Variants in ZC2HC1A observed in about 807,000 individuals in gnomAD.
ZC2HC1A encodes zinc finger C2HC-type containing 1A, also known as zinc finger C2HC domain-containing protein 1A.
In ZC2HC1A, 28 loss-of-function variants were observed where a neutral mutation model predicts 40.7. The ratio of observed to expected loss-of-function variants is 0.69; its 90% CI spans 0.51 to 0.94. The LOEUF (loss-of-function observed/expected upper bound fraction) is 0.94, where lower values mean the gene tolerates loss of function less well. ZC2HC1A is among the 40% of genes least tolerant of loss of function. ZC2HC1A has a pLI of 0.00. For synonymous variants in ZC2HC1A, 129 were observed against 129.2 expected (o/e 1.00, Z 0.01); for missense variants, 389 against 386.3 (o/e 1.01, Z -0.06).
At chr8:78,698,366 G>A in intron 6 of ZC2HC1A, 48 bp from the exon 7 acceptor site, 1 of 1,467,578 alleles carries the variant, frequency 6.8e-7, no homozygotes, top group Non-Finnish European at 9.4e-7. Flanking sequence ...TCTGTTTTAT[G>A]TAACCTTTTT....
chr8:78,702,948 G>A (rs1810654062), intron 7 of ZC2HC1A, among the ~76,000 whole-genome samples: 1 of 151,962 alleles, frequency 6.6e-6, no homozygotes, highest in Non-Finnish European at 1.5e-5. Context: ...CCAGGCTATA[G>A]TGCTGTGGCA....
At chr8:78,713,891 G>A (rs2130610739) in intron 7 of ZC2HC1A, among the ~76,000 whole-genome samples, 2 of 152,190 alleles carry the variant, frequency 1.3e-5, no homozygotes. Context: ...ATTAAATAAG[G>A]CATGTGTAGT....
Position 78,717,913 on chromosome 8 carries a change from T to G in ZC2HC1A, c.*420T>G, listed in dbSNP as rs1041418475. 1 of 155,422 alleles carries G rather than the reference T, an allele frequency of 6.4e-6. No homozygotes were observed. The highest frequency in any genetic ancestry group is 1.4e-5 in the Non-Finnish European group (1 of 69,984). 9.6% of individuals were successfully genotyped at this position (155,422 alleles called of 1,614,324 possible). The stretch of plus-strand genomic sequence containing the variant: ...AACATTTGTATTATTGGTGCCTATC[T>G]TCAGATAGTATCATAGTAGGATAGA... On this transcript the variant is annotated 3_prime_UTR_variant, in exon 9 of 9. Coordinates refer to ENST00000263849, the MANE Select transcript of ZC2HC1A (RefSeq NM_016010.3).
intron 5 of ZC2HC1A, among the ~76,000 whole-genome samples, chr8:78,692,888 C>A (rs567539260): frequency 6.0e-4 from 92 of 152,250 alleles, no homozygotes; most frequent in Non-Finnish European, 9.6e-4. Flanking sequence ...CCACTCCCCC[C>A]ACCCCACAAC....
intron 7 of ZC2HC1A, chr8:78,712,040 G>A (rs1810965629): frequency 7.8e-7 from 1 of 1,289,560 alleles, no homozygotes; most frequent in Non-Finnish European, 1.0e-6. Context: ...CTTGTGCAAA[G>A]GTTGTATGAC....
intron 3 of ZC2HC1A, among the ~76,000 whole-genome samples, chr8:78,682,208 C>G (rs1809809996): frequency 6.6e-6 from 1 of 152,086 alleles, no homozygotes; most frequent in Non-Finnish European, 1.5e-5. Flanking sequence ...AGAGGCAGTT[C>G]CCATTAAAAT....
At chr8:78,680,574 G>A (rs1281029670) in intron 3 of ZC2HC1A, among the ~76,000 whole-genome samples, 1 of 152,110 alleles carries the variant, frequency 6.6e-6, no homozygotes, top group Non-Finnish European at 1.5e-5. Flanking sequence ...CCTGTATCAA[G>A]AAAATCCTAC....
chr8:78,703,786 G>A (rs1810683277), intron 7 of ZC2HC1A, among the ~76,000 whole-genome samples: 1 of 152,104 alleles, frequency 6.6e-6, no homozygotes, highest in Non-Finnish European at 1.5e-5. Context: ...TTACATTTAA[G>A]ACTAGTATTG....
intron 1 of ZC2HC1A, among the ~76,000 whole-genome samples, chr8:78,668,208 T>C (rs971735972): frequency 6.6e-6 from 1 of 152,158 alleles, no homozygotes; most frequent in African/African-American, 2.4e-5. Context: ...AATATCAAAC[T>C]CTGAGTCTTA....
At chr8:78,689,034 C>CTTTTTTTTT (rs5892662) in intron 4 of ZC2HC1A, among the ~76,000 whole-genome samples, 188 bp from the exon 5 acceptor site, 1 of 146,168 alleles carries the variant, frequency 6.8e-6, no homozygotes. Context: ...TACCAGCAGA[C>CTTTTTTTTT]TTTTTTTTTT....
intron 7 of ZC2HC1A, among the ~76,000 whole-genome samples, chr8:78,709,815 A>G (rs1810899433): frequency 6.6e-6 from 1 of 152,136 alleles, no homozygotes; most frequent in Non-Finnish European, 1.5e-5. Flanking sequence ...GTGGCCTGTG[A>G]GCTGCTGGTT....
intron 7 of ZC2HC1A, among the ~76,000 whole-genome samples, chr8:78,708,758 G>A (rs1038644166): frequency 3.4e-5 from 5 of 148,766 alleles, no homozygotes; most frequent in African/African-American, 1.0e-4. Flanking sequence ...TTGGCTCACC[G>A]TAACCTCCGC....
intron 1 of ZC2HC1A, among the ~76,000 whole-genome samples, chr8:78,668,027 G>T (rs1394614880): frequency 6.6e-6 from 1 of 151,688 alleles, no homozygotes; most frequent in East Asian, 1.9e-4. Flanking sequence ...AAACTGAGTT[G>T]AAATATGTGA....
At chr8:78,713,810 C>T (rs573723996) in intron 7 of ZC2HC1A, among the ~76,000 whole-genome samples, 5 of 152,274 alleles carry the variant, frequency 3.3e-5, no homozygotes, top group African/African-American at 1.2e-4. Context: ...AGTAGCCTCA[C>T]AATTTATATA....
chr8:78,684,190 CT>C, intron 3 of ZC2HC1A, among the ~76,000 whole-genome samples: 1 of 152,306 alleles, frequency 6.6e-6, no homozygotes, highest in South Asian at 2.1e-4. Flanking sequence ...TACCAACTTA[CT>C]GTATTAGTCC....
chr8:78,667,760 C>T (rs758855629), intron 1 of ZC2HC1A, among the ~76,000 whole-genome samples: 5 of 152,096 alleles, frequency 3.3e-5, no homozygotes, highest in Non-Finnish European at 7.4e-5. Flanking sequence ...GTGGACCTTA[C>T]ATTTTAACAG....
intron 3 of ZC2HC1A, 73 bp downstream of exon 3, chr8:78,678,752 C>A (rs1462193159): frequency 2.0e-6 from 2 of 1,009,510 alleles, no homozygotes; most frequent in Admixed American, 2.7e-5. Context: ...TTATCTGTTA[C>A]AGTAAGGTTA....
intron 5 of ZC2HC1A, among the ~76,000 whole-genome samples, chr8:78,692,879 C>T (rs983858133): frequency 6.6e-6 from 1 of 152,088 alleles, no homozygotes; most frequent in Non-Finnish European, 1.5e-5. Context: ...TATCCCTCCC[C>T]ACTCCCCCCA....
chr8:78,685,155 A>G (rs1259600981), intron 3 of ZC2HC1A, among the ~76,000 whole-genome samples: 1 of 152,164 alleles, frequency 6.6e-6, no homozygotes, highest in Non-Finnish European at 1.5e-5. Flanking sequence ...ATAGGCCCAA[A>G]TTCAGAAAGG....
Sources: allele counts gnomAD v4.1 joint callset (sites outside exome capture counted in the v4.1 genomes callset), GRCh38; gene constraint gnomAD v4.1.1; transcripts MANE v1.5; gene names NCBI Gene and HGNC (gene_info 2026-07-23, HGNC 2026-07-21).